The following CRADD variants were observed in gnomAD, a reference collection of about 807,000 sequenced individuals.
The protein encoded by CRADD is death domain-containing protein CRADD.
In CRADD, 9 loss-of-function variants were observed where a neutral mutation model predicts 15.5. The observed-to-expected ratio is 0.58, with a 90% CI of 0.35 to 1.01. CRADD has a LOEUF of 1.01. CRADD is among the 50% of genes least tolerant of loss of function. The pLI is 0.02. For synonymous variants in CRADD, 118 were observed against 107.6 expected, an observed-to-expected ratio of 1.10 and a Z score of -0.60; for missense variants, 227 against 250.3, an observed-to-expected ratio of 0.91 and a Z score of 0.63.
At chr12:93,754,135 G>C (rs1000217240) in intron 2 of CRADD, among the ~76,000 whole-genome samples, 1 of 152,214 alleles carries the variant, frequency 6.6e-6, no homozygotes, top group African/African-American at 2.4e-5. Flanking sequence ...TGTGGAAACT[G>C]CCAAGGCTTG....
At chr12:93,726,118 T>C (rs1018418573) in intron 2 of CRADD, among the ~76,000 whole-genome samples, 5 of 136,892 alleles carry the variant, frequency 3.7e-5, no homozygotes, top group Admixed American at 1.5e-4. Flanking sequence ...TTTTTTTTTT[T>C]CTTGAGATGG....
At chr12:93,717,448 C>A (rs932592697) in intron 2 of CRADD, among the ~76,000 whole-genome samples, 2 of 152,142 alleles carry the variant, frequency 1.3e-5, no homozygotes, top group Non-Finnish European at 2.9e-5. Context: ...CATCACCATA[C>A]CCATAATAAC....
intron 2 of CRADD, among the ~76,000 whole-genome samples, chr12:93,684,860 G>A (rs1428494165): frequency 6.6e-6 from 1 of 152,136 alleles, no homozygotes; most frequent in Non-Finnish European, 1.5e-5. Context: ...AGGTGACAAT[G>A]TGGCTAATAA....
intron 2 of CRADD, among the ~76,000 whole-genome samples, chr12:93,737,528 A>C (rs1380987435): frequency 1.3e-5 from 2 of 152,244 alleles, no homozygotes; most frequent in African/African-American, 4.8e-5. Flanking sequence ...CAACTAAAGC[A>C]GTCTGTTGTA....
chr12:93,823,558 T>C lies in CRADD; in HGVS notation c.299-26412T>C, dbSNP rs975656530. The stretch of plus-strand genomic sequence containing the variant: ...AGCTGTTTTCTTTTTCTTTTAAGAA[T>C]TCTCTGCCACTAAGTTCTTCCAGCC... On this transcript the variant is annotated intron_variant, in intron 2 of 2. Coordinates refer to ENST00000332896, the MANE Select transcript of CRADD (RefSeq NM_003805.5). Among the ~76,000 whole-genome samples the C allele has an allele frequency of 3.3e-5, 5 of 152,374 alleles. No homozygotes were observed. In the South Asian group the frequency reaches 1.0e-3, roughly 32 times the overall value.
At position 93,808,004 on chromosome 12, in the gene CRADD, A is replaced by G. The variant is rs1378350528; in HGVS notation, c.299-41966A>G. 2.8e-4 allele frequency among the ~76,000 whole-genome samples: 42 copies of G among 148,042 alleles called. 3 individuals carry two copies. The highest frequency in any genetic ancestry group is 2.0e-4 in the East Asian group (1 of 5,100). On this transcript the variant is annotated intron_variant, in intron 2 of 2. Coordinates refer to ENST00000332896, the MANE Select transcript of CRADD (RefSeq NM_003805.5). ...TGCAAAAAAAAAAAAAAAAAAAAGTATAGAGCAGGCTAAGGAACAGAGGTA... is the reference window on the plus strand; with the variant it reads ...TGCAAAAAAAAAAAAAAAAAAAAGTGTAGAGCAGGCTAAGGAACAGAGGTA...
At chr12:93,874,993 A>T (rs771187348) in intron 2 of CRADD, among the ~76,000 whole-genome samples, 2 of 152,088 alleles carry the variant, frequency 1.3e-5, no homozygotes, top group Non-Finnish European at 2.9e-5. Context: ...TGTCTGGAAG[A>T]TCTGTCCAAT....
chr12:93,770,568 C>A (rs1402658765), intron 2 of CRADD, among the ~76,000 whole-genome samples: 1 of 152,204 alleles, frequency 6.6e-6, no homozygotes, highest in Non-Finnish European at 1.5e-5. Flanking sequence ...CATCCATTCC[C>A]CATTGCTCTG....
At chr12:93,688,303 G>A (rs1278271081) in intron 2 of CRADD, among the ~76,000 whole-genome samples, 5 of 152,172 alleles carry the variant, frequency 3.3e-5, no homozygotes, top group Non-Finnish European at 7.3e-5. Context: ...AGGAGTTCAA[G>A]ACCAGCCTGG....
intron 2 of CRADD, among the ~76,000 whole-genome samples, chr12:93,713,680 T>C (rs1391669759): frequency 6.6e-6 from 1 of 152,178 alleles, no homozygotes; most frequent in Non-Finnish European, 1.5e-5. Flanking sequence ...AATTCAAGGT[T>C]GGCTGAATCT....
intron 2 of CRADD, among the ~76,000 whole-genome samples, chr12:93,728,855 A>G (rs953716801): frequency 1.3e-5 from 2 of 152,238 alleles, no homozygotes; most frequent in African/African-American, 4.8e-5. Flanking sequence ...GCATTTGAAA[A>G]TCAATGTAAT....
At chr12:93,679,363 A>C (rs1197914935) in intron 2 of CRADD, among the ~76,000 whole-genome samples, 2 of 152,098 alleles carry the variant, frequency 1.3e-5, no homozygotes, top group Non-Finnish European at 2.9e-5. Flanking sequence ...GCTGGTCTCG[A>C]ACTCCGTACC....
chr12:93,741,961 T>C (rs73361570), intron 2 of CRADD, among the ~76,000 whole-genome samples: 2 of 152,140 alleles, frequency 1.3e-5, no homozygotes, highest in African/African-American at 4.8e-5. Context: ...CTACACGCCA[T>C]GATCTTTGTT....
intron 2 of CRADD, among the ~76,000 whole-genome samples, chr12:93,759,466 ATTCCT>A (rs1274529633): frequency 1.3e-5 from 2 of 152,116 alleles, no homozygotes; most frequent in African/African-American, 4.8e-5. Flanking sequence ...TAAAAAACTA[ATTCCT>A]TTATTTTTCT....
At chr12:93,803,282 GCTCT>G (rs1233111876) in intron 2 of CRADD, among the ~76,000 whole-genome samples, 1 of 152,104 alleles carries the variant, frequency 6.6e-6, no homozygotes, top group Non-Finnish European at 1.5e-5. Flanking sequence ...CCTCCCATAT[GCTCT>G]CTCTCTTTCA....
intron 2 of CRADD, among the ~76,000 whole-genome samples, chr12:93,753,510 G>C (rs574032861): frequency 6.6e-6 from 1 of 152,108 alleles, no homozygotes; most frequent in African/African-American, 2.4e-5. Flanking sequence ...AGTCCCTTCC[G>C]CTTATGAGCC....
chr12:93,811,071 G>A (rs1345507659), intron 2 of CRADD, among the ~76,000 whole-genome samples: 5 of 152,150 alleles, frequency 3.3e-5, no homozygotes, highest in Admixed American at 6.5e-5. Flanking sequence ...TGGAACAGCC[G>A]GCTGCTGGTG....
intron 2 of CRADD, chr12:93,708,388 A>T (rs1182549591): frequency 6.6e-6 from 1 of 152,210 alleles, no homozygotes; most frequent in Non-Finnish European, 1.5e-5. Flanking sequence ...GCCATTACCT[A>T]CAAGTCCCTT....
intron 2 of CRADD, among the ~76,000 whole-genome samples, chr12:93,763,644 G>A (rs1273883706): frequency 6.6e-6 from 1 of 151,714 alleles, no homozygotes; most frequent in Non-Finnish European, 1.5e-5. Context: ...TGAATAAAGA[G>A]TATTACCTAC....
Sources: allele counts gnomAD v4.1 joint callset (sites outside exome capture counted in the v4.1 genomes callset), GRCh38; gene constraint gnomAD v4.1.1; transcripts MANE v1.5; gene names NCBI Gene and HGNC (gene_info 2026-07-23, HGNC 2026-07-21).